The following NAPEPLD variants were observed in gnomAD, a reference collection of about 807,000 sequenced individuals.
The protein encoded by NAPEPLD is N-acyl phosphatidylethanolamine phospholipase D.
In NAPEPLD, 23 loss-of-function variants were observed where a neutral mutation model predicts 38.1. The observed-to-expected ratio is 0.60, with a 90% CI of 0.43 to 0.86. NAPEPLD has a LOEUF of 0.86. Among genes scored for constraint, NAPEPLD ranks in the 40% least tolerant of loss-of-function variants. NAPEPLD has a pLI of 0.00. For synonymous variants in NAPEPLD, 147 were observed against 162.0 expected (o/e 0.91, Z 0.71); for missense variants, 411 against 476.8 (o/e 0.86, Z 1.28).
intron 4 of NAPEPLD, among the ~76,000 whole-genome samples, chr7:103,111,813 G>C (rs1461221737): frequency 6.6e-6 from 1 of 152,136 alleles, no homozygotes; most frequent in Non-Finnish European, 1.5e-5. Flanking sequence ...TCAGCAGAAT[G>C]AACAGGCAGC....
rs878997658 is a variant in NAPEPLD, at chr7:103,103,389, A to T, written c.*40T>A. 1 of 1,524,628 alleles carries T rather than the reference A, an allele frequency of 6.6e-7. No homozygotes were observed. The highest frequency in any genetic ancestry group is 1.3e-5 in the South Asian group (1 of 78,826). 94.4% of individuals were successfully genotyped at this position (1,524,628 alleles called of 1,614,324 possible). A position where few individuals can be genotyped will look rare whatever the true frequency, so the allele number is the denominator to read the frequency against. On this transcript the variant is annotated 3_prime_UTR_variant, in exon 5 of 5. Coordinates refer to ENST00000465647, the MANE Select transcript of NAPEPLD (RefSeq NM_001122838.3). ...TCTTTTCATTTGTTTTTAAACTTAGATGATGCCTTTTTCATTAAAAGTGCC... is the reference window on the plus strand; with the variant it reads ...TCTTTTCATTTGTTTTTAAACTTAGTTGATGCCTTTTTCATTAAAAGTGCC...
rs775484493 is a variant in NAPEPLD, at chr7:103,119,775, A to T, written c.743T>A (p.Phe248Tyr). The T allele has an allele frequency of 9.3e-6, 15 of 1,614,150 alleles. No homozygotes were observed. The highest frequency in any genetic ancestry group is 1.3e-5 in the Non-Finnish European group (15 of 1,180,024). ...VPGHDKVTFV[F>Y]TPSQHWCKRT... Reference sequence around the variant, plus strand: ...TTTACACCAGTGCTGGGAAGGTGTAAAGACAAAAGTGACCTTATCATGTCC... The same window carrying T: ...TTTACACCAGTGCTGGGAAGGTGTATAGACAAAAGTGACCTTATCATGTCC... Residue 248 changes from phenylalanine (F) to tyrosine (Y), a missense_variant, in exon 3 of 5, where the codon TTT (phenylalanine) becomes TAT (tyrosine). Transcript: ENST00000465647.
At chr7:103,104,891 C>T (rs994779218) in intron 4 of NAPEPLD, among the ~76,000 whole-genome samples, 2 of 152,072 alleles carry the variant, frequency 1.3e-5, no homozygotes, top group Non-Finnish European at 2.9e-5. Flanking sequence ...TCTCTTTCTC[C>T]CATGCTGTAC....
At chr7:103,130,326 CA>C (rs1389848191) in intron 1 of NAPEPLD, among the ~76,000 whole-genome samples, 5 of 152,170 alleles carry the variant, frequency 3.3e-5, no homozygotes, top group African/African-American at 1.2e-4. Context: ...AAAGAAACCC[CA>C]GCTGACTAAA....
chr7:103,105,211 T>C (rs908620376), intron 4 of NAPEPLD, among the ~76,000 whole-genome samples: 24 of 152,068 alleles, frequency 1.6e-4, no homozygotes, highest in African/African-American at 5.3e-4. Context: ...AAATGCCCCA[T>C]AACCATGGGA....
chr7:103,145,987 A>G (rs1010197281), intron 1 of NAPEPLD, among the ~76,000 whole-genome samples: 1 of 152,008 alleles, frequency 6.6e-6, no homozygotes, highest in Non-Finnish European at 1.5e-5. Flanking sequence ...ACACACACAC[A>G]CGCACGCACA....
intron 1 of NAPEPLD, among the ~76,000 whole-genome samples, chr7:103,130,378 G>C (rs891495385): frequency 2.6e-5 from 4 of 152,202 alleles, no homozygotes; most frequent in Non-Finnish European, 4.4e-5. Flanking sequence ...CTGTATGTGG[G>C]AGAGCTCAAG....
At chr7:103,132,296 T>C (rs988599327) in intron 1 of NAPEPLD, among the ~76,000 whole-genome samples, 75 of 152,264 alleles carry the variant, frequency 4.9e-4, no homozygotes, top group African/African-American at 1.8e-3. Flanking sequence ...TAATAGTGAA[T>C]AGCAACCCAG....
chr7:103,148,824 A>T lies in NAPEPLD; in HGVS notation c.-30T>A. ...AGATAAACCCACATGTATTCCTATC[A>T]GTGAAGATGCAACCTGGTAATTTGC... On this transcript the variant is annotated 5_prime_UTR_variant, in exon 1 of 5. Coordinates refer to ENST00000465647, the MANE Select transcript of NAPEPLD (RefSeq NM_001122838.3). 2.0e-6 allele frequency: 2 copies of T among 985,452 alleles called. No homozygotes were observed. Among genetic ancestry groups the T allele is most frequent in the Non-Finnish European group, 2.4e-6 (2 of 829,928 alleles). 61.0% of individuals were successfully genotyped at this position (985,452 alleles called of 1,614,324 possible). A position where few individuals can be genotyped will look rare whatever the true frequency, so the allele number is the denominator to read the frequency against.
intron 1 of NAPEPLD, among the ~76,000 whole-genome samples, chr7:103,135,865 T>A (rs1809936568): frequency 6.6e-6 from 1 of 151,944 alleles, no homozygotes; most frequent in Non-Finnish European, 1.5e-5. Context: ...TTGCAGGGAG[T>A]AACTCAGCCT....
At chr7:103,118,190 A>C (rs1051422223) in intron 3 of NAPEPLD, among the ~76,000 whole-genome samples, 5 of 152,242 alleles carry the variant, frequency 3.3e-5, no homozygotes, top group South Asian at 2.1e-4. Flanking sequence ...TCCATCTCAA[A>C]CAACCAACCA....
chr7:103,147,797 AT>A (rs1031198990), intron 1 of NAPEPLD, among the ~76,000 whole-genome samples: 2 of 152,196 alleles, frequency 1.3e-5, no homozygotes, highest in African/African-American at 2.4e-5. Context: ...TACACTAAGT[AT>A]TTTTATCTCT....
At chr7:103,115,707 C>T (rs899003056) in intron 3 of NAPEPLD, among the ~76,000 whole-genome samples, 5 of 152,062 alleles carry the variant, frequency 3.3e-5, no homozygotes, top group South Asian at 4.1e-4. Flanking sequence ...TTTTTTTAAA[C>T]GATACTGCTC....
At position 103,119,634 on chromosome 7, in the gene NAPEPLD, C is replaced by T. The variant is rs1429461507; in HGVS notation, c.884G>A (p.Gly295Glu). 3.1e-6 allele frequency: 5 copies of T among 1,614,028 alleles called. No homozygotes were observed. Among genetic ancestry groups the T allele is most frequent in the African/African-American group, 2.7e-5 (2 of 74,908 alleles). Residue 295 changes from glycine (G) to glutamate (E), a missense_variant, in exon 3 of 5, where the codon GGA becomes GAA. Transcript: ENST00000465647. ...AAGGTCAAAAGGTCCAAATCTTTTTCCTATCTCTTCAAAAGCAGGGCAATA... is the reference window on the plus strand; with the variant it reads ...AAGGTCAAAAGGTCCAAATCTTTTTTCTATCTCTTCAAAAGCAGGGCAATA... ...TGYCPAFEEI[G>E]KRFGPFDLAA...
chr7:103,136,705 C>A (rs566240949), intron 1 of NAPEPLD, among the ~76,000 whole-genome samples: 1 of 151,856 alleles, frequency 6.6e-6, no homozygotes, highest in South Asian at 2.1e-4. Flanking sequence ...TTTCATATGG[C>A]TTTAAAAGCC....
At chr7:103,105,932 C>CAAAA (rs1194781765) in intron 4 of NAPEPLD, among the ~76,000 whole-genome samples, 10 of 49,974 alleles carry the variant, frequency 2.0e-4, no homozygotes, top group African/African-American at 3.1e-4. Context: ...GACTCCGTCT[C>CAAAA]AAAAAAAAAA....
intron 4 of NAPEPLD, among the ~76,000 whole-genome samples, chr7:103,105,266 ATGAG>A (rs750962585): frequency 2.6e-5 from 4 of 152,200 alleles, no homozygotes; most frequent in Non-Finnish European, 1.5e-5. Context: ...AGAGATCAAT[ATGAG>A]TAAATGGGAA....
At chr7:103,125,379 T>A (rs1332777511) in intron 2 of NAPEPLD, among the ~76,000 whole-genome samples, 1 of 152,236 alleles carries the variant, frequency 6.6e-6, no homozygotes, top group Non-Finnish European at 1.5e-5. Flanking sequence ...GCTCTTAATA[T>A]GTGGAAAATG....
intron 1 of NAPEPLD, among the ~76,000 whole-genome samples, chr7:103,144,115 G>C (rs562448076): frequency 6.6e-6 from 1 of 152,332 alleles, no homozygotes; most frequent in South Asian, 2.1e-4. Context: ...TTAACAGTTG[G>C]ATCTAGGGAT....
Sources: gnomAD v4.1 joint callset for allele counts (sites outside exome capture counted in the v4.1 genomes callset) on GRCh38, gnomAD v4.1.1 for gene constraint, MANE v1.5 for transcripts, NCBI Gene and HGNC (gene_info 2026-07-23, HGNC 2026-07-21) for gene names.